Variants in KCNJ6 observed in about 807,000 individuals in gnomAD.
KCNJ6 encodes G protein-activated inward rectifier potassium channel 2.
A neutral mutation model predicts 34.2 loss-of-function variants in KCNJ6; 9 were observed. The ratio of observed to expected loss-of-function variants is 0.26; its 90% CI spans 0.16 to 0.46. The LOEUF is 0.46. KCNJ6 is among the 20% of genes least tolerant of loss of function. The pLI is 1.00. For synonymous variants in KCNJ6, 196 were observed against 207.1 expected, an observed-to-expected ratio of 0.95 and a Z score of 0.46; for missense variants, 236 against 531.3, an observed-to-expected ratio of 0.44 and a Z score of 5.46.
At chr21:37,889,136 C>T (rs117726989) in intron 1 of KCNJ6, among the ~76,000 whole-genome samples, 10 of 152,118 alleles carry the variant, frequency 6.6e-5, no homozygotes, top group Non-Finnish European at 1.2e-4. Context: ...GTGAACCACA[C>T]GTGACTGAGG....
At chr21:37,663,938 G>A (rs1042663142) in intron 3 of KCNJ6, among the ~76,000 whole-genome samples, 13 of 152,144 alleles carry the variant, frequency 8.5e-5, no homozygotes, top group African/African-American at 2.9e-4. Context: ...AGCACCTACA[G>A]AACACTGGAT....
At chr21:37,887,107 G>A (rs2055739808) in intron 1 of KCNJ6, among the ~76,000 whole-genome samples, 1 of 151,978 alleles carries the variant, frequency 6.6e-6, no homozygotes, top group African/African-American at 2.4e-5. Context: ...ATGGTCTCCT[G>A]GTGACCAAGG....
At chr21:37,642,290 C>A (rs1330408360) in intron 3 of KCNJ6, among the ~76,000 whole-genome samples, 1 of 151,948 alleles carries the variant, frequency 6.6e-6, no homozygotes. Flanking sequence ...AACGTAACAT[C>A]TGATGGGCAG....
At chr21:37,700,294 G>A (rs1261651140) in intron 3 of KCNJ6, among the ~76,000 whole-genome samples, 2 of 152,168 alleles carry the variant, frequency 1.3e-5, no homozygotes, top group Non-Finnish European at 2.9e-5. Flanking sequence ...GAAAGGTAAT[G>A]GAAAAGGGTA....
At chr21:37,768,782 C>T (rs2123501650) in intron 2 of KCNJ6, among the ~76,000 whole-genome samples, 1 of 152,352 alleles carries the variant, frequency 6.6e-6, no homozygotes, top group East Asian at 1.9e-4. Context: ...CAGCATTTTT[C>T]TCTATGCTTT....
chr21:37,691,880 G>A (rs957164022), intron 3 of KCNJ6, among the ~76,000 whole-genome samples: 1 of 152,096 alleles, frequency 6.6e-6, no homozygotes, highest in Non-Finnish European at 1.5e-5. Context: ...ATGTGCTTTT[G>A]CTATGATCCA....
intron 3 of KCNJ6, among the ~76,000 whole-genome samples, chr21:37,686,317 ACT>A (rs1344482996): frequency 5.3e-5 from 8 of 152,050 alleles, no homozygotes; most frequent in African/African-American, 1.7e-4. Context: ...ATGGAGGGAG[ACT>A]CATCACTCCA....
intron 3 of KCNJ6, among the ~76,000 whole-genome samples, chr21:37,701,948 C>T (rs984627057): frequency 1.3e-5 from 2 of 152,086 alleles, no homozygotes; most frequent in Non-Finnish European, 2.9e-5. Context: ...TAAGAGTGCT[C>T]TGGGCCGGGC....
chr21:37,893,951 C>G (rs184609475), intron 1 of KCNJ6, among the ~76,000 whole-genome samples: 1 of 152,166 alleles, frequency 6.6e-6, no homozygotes, highest in Non-Finnish European at 1.5e-5. Flanking sequence ...CTTTCTCTTT[C>G]TTTTCACTGA....
At position 37,916,201 on chromosome 21, in the gene KCNJ6, A is replaced by G. The variant is rs1444372422; in HGVS notation, c.-345T>C. ...CTCCCTCTGGCCGAGCGCGGAGAGC[A>G]GGGCTGGGCGCTGGGGCCAAGGGAG... is the stretch of plus-strand genomic sequence containing the variant. On this transcript the variant is annotated 5_prime_UTR_variant, in exon 1 of 4. Transcript: ENST00000609713. 2 of 151,856 alleles carry G rather than the reference A, an allele frequency of 1.3e-5. No individual in the cohort carries two copies. Among genetic ancestry groups the G allele is most frequent in the Non-Finnish European group, 2.9e-5 (2 of 67,998 alleles). The allele number at this position is 151,856 out of a possible 1,614,324, so 9.4% of individuals were successfully genotyped here.
At position 37,714,516 on chromosome 21, in the gene KCNJ6, C is replaced by T. The variant is rs771371207; in HGVS notation, c.641G>A (p.Arg214Gln). The T allele has an allele frequency of 1.2e-6, 2 of 1,614,152 alleles. No individual in the cohort carries two copies. Residue 214 changes from arginine to glutamine, a missense_variant, in exon 3 of 4, where the codon CGG becomes CAG. By Grantham distance (43) the Arg-to-Gln change is conservative. Around this residue, in one of 5 missense-constraint regions of KCNJ6, gnomAD observed 60 missense variants for 207.3 expected, o/e 0.29. Transcript: ENST00000609713. The surrounding 1 kb of genome is among the most constrained non-coding windows in gnomAD (Gnocchi z 5.9). ...GAACATCAGGCACAGTTTCCCATCCCGCATGGAGATCACTGCATGGGTGGA... is the reference window on the plus strand; with the variant it reads ...GAACATCAGGCACAGTTTCCCATCCTGCATGGAGATCACTGCATGGGTGGA... Reference protein sequence around the residue: ...VFSTHAVISMRDGKLCLMFRV... With the variant: ...VFSTHAVISMQDGKLCLMFRV...
chr21:37,743,944 G>A (rs2054953707), intron 2 of KCNJ6, among the ~76,000 whole-genome samples: 1 of 151,780 alleles, frequency 6.6e-6, no homozygotes, highest in Non-Finnish European at 1.5e-5. Context: ...GATTTTTGTG[G>A]GGAGTGAAAT....
chr21:37,669,818 T>C (rs1330463777), intron 3 of KCNJ6, among the ~76,000 whole-genome samples: 1 of 152,216 alleles, frequency 6.6e-6, no homozygotes, highest in Non-Finnish European at 1.5e-5. Context: ...ATTCTGTATG[T>C]TGTCTTTCAC....
chr21:37,875,385 T>C (rs114825043), intron 1 of KCNJ6, among the ~76,000 whole-genome samples: 1 of 152,058 alleles, frequency 6.6e-6, no homozygotes, highest in South Asian at 2.1e-4. Flanking sequence ...AGCTCGCCCA[T>C]CCTGCTTCCT....
intron 2 of KCNJ6, among the ~76,000 whole-genome samples, chr21:37,776,809 CTTTT>C (rs898516118): frequency 5.9e-5 from 9 of 152,118 alleles, no homozygotes; most frequent in Non-Finnish European, 1.2e-4. Context: ...CTAAAATTCT[CTTTT>C]TTTGTTGTGT....
At chr21:37,835,583 G>A (rs1011196) in intron 2 of KCNJ6, among the ~76,000 whole-genome samples, 31,309 of 152,144 alleles carry the variant, frequency 0.21, 5,388 homozygotes, top group East Asian at 0.47. Context: ...CAGAGCTTTC[G>A]GGCTATTTGC....
chr21:37,633,861 A>G (rs2054344677), intron 3 of KCNJ6, among the ~76,000 whole-genome samples: 1 of 152,216 alleles, frequency 6.6e-6, no homozygotes, highest in African/African-American at 2.4e-5. Flanking sequence ...TAAACATCCT[A>G]AAGATGTCAG....
rs942052368 is a variant in KCNJ6, at chr21:37,839,244, C to T, written c.25+1414G>A. 4.6e-5 allele frequency among the ~76,000 whole-genome samples: 7 copies of T among 152,124 alleles called. No homozygotes were observed. The East Asian group carries it at 5.8e-4, about 13-fold the overall frequency. On this transcript the variant is annotated intron_variant, in intron 2 of 3. Transcript: ENST00000609713. Reference sequence around the variant, plus strand: ...CAAGACTACAGGTGGAAAAAAAGGACGGAGCAGAGAGCAGGGCAGGAGATG... The same window carrying T: ...CAAGACTACAGGTGGAAAAAAAGGATGGAGCAGAGAGCAGGGCAGGAGATG...
intron 3 of KCNJ6, among the ~76,000 whole-genome samples, chr21:37,659,600 C>T (rs4817881): frequency 0.53 from 80,279 of 152,124 alleles, 21,786 homozygotes; most frequent in African/African-American, 0.66. Flanking sequence ...GCTGCTGGCT[C>T]CAGCCACTGC....
Sources: gnomAD v4.1 joint callset for allele counts (sites outside exome capture counted in the v4.1 genomes callset) on GRCh38, gnomAD v4.1.1 for gene constraint, gnomAD v4.1.1 regional missense constraint, Gnocchi (gnomAD v3.1) non-coding constraint, MANE v1.5 for transcripts, NCBI Gene and HGNC (gene_info 2026-07-23, HGNC 2026-07-21) for gene names.